Variants in NMNAT2 observed in about 807,000 individuals in gnomAD.
NMNAT2 encodes nicotinamide/nicotinic acid mononucleotide adenylyltransferase 2.
In NMNAT2, 11 loss-of-function variants were observed where a neutral mutation model predicts 41.6. The observed-to-expected ratio is 0.26, with a 90% CI of 0.17 to 0.44. The LOEUF (loss-of-function observed/expected upper bound fraction) is 0.44. Ranked by LOEUF, NMNAT2 falls within the 20% of genes least tolerant of loss-of-function variation. The pLI is 1.00. For missense variants in NMNAT2, 288 were observed against 407.7 expected (o/e 0.71, Z 2.53); for synonymous variants, 148 against 151.2 (o/e 0.98, Z 0.16).
At chr1:183,355,516 C>T (rs958315433) in intron 1 of NMNAT2, among the ~76,000 whole-genome samples, 1 of 152,224 alleles carries the variant, frequency 6.6e-6, no homozygotes, top group African/African-American at 2.4e-5. Context: ...TGTTGCTATT[C>T]CTGTGGCAAA....
At chr1:183,370,691 G>A (rs1321433490) in intron 1 of NMNAT2, among the ~76,000 whole-genome samples, 1 of 152,156 alleles carries the variant, frequency 6.6e-6, no homozygotes, top group Non-Finnish European at 1.5e-5. Context: ...TGATTCTGGG[G>A]GAATGAAATA....
At chr1:183,351,410 T>A (rs184605704) in intron 1 of NMNAT2, among the ~76,000 whole-genome samples, 1 of 151,402 alleles carries the variant, frequency 6.6e-6, no homozygotes, top group African/African-American at 2.4e-5. Flanking sequence ...GGTGACTGAG[T>A]GAGCTCCAGG....
At position 183,385,710 on chromosome 1, in the gene NMNAT2, G is replaced by A. The variant is rs189502970; in HGVS notation, c.85+32473C>T. Among the ~76,000 whole-genome samples the A allele has an allele frequency of 3.0e-4, 46 of 152,026 alleles. No individual in the cohort carries two copies. In the East Asian group the frequency reaches 7.6e-3, roughly 25 times the overall value. ...CCACCCATACATTTAGGCAACAGATGGCAACTATCTGAATGTGTGTACATA... is the reference window on the plus strand; with the variant it reads ...CCACCCATACATTTAGGCAACAGATAGCAACTATCTGAATGTGTGTACATA... On this transcript the variant is annotated intron_variant, in intron 1 of 10. Coordinates refer to ENST00000287713, the MANE Select transcript of NMNAT2 (RefSeq NM_015039.4).
intron 1 of NMNAT2, among the ~76,000 whole-genome samples, chr1:183,351,253 T>A (rs1300888853): frequency 1.3e-5 from 2 of 152,250 alleles, no homozygotes; most frequent in African/African-American, 2.4e-5. Flanking sequence ...TCTGACGAAG[T>A]GCATGGATTC....
intron 1 of NMNAT2, among the ~76,000 whole-genome samples, chr1:183,406,435 C>A (rs1290550138): frequency 1.3e-5 from 2 of 152,042 alleles, no homozygotes; most frequent in Non-Finnish European, 2.9e-5. Context: ...CTCAGGAAGC[C>A]CACTGTCAGC....
chr1:183,378,277 C>T (rs576135951), intron 1 of NMNAT2, among the ~76,000 whole-genome samples: 1 of 151,972 alleles, frequency 6.6e-6, no homozygotes, highest in African/African-American at 2.4e-5. Context: ...GCCTGTAATC[C>T]CAGCTACTCA....
At chr1:183,299,903 T>C (rs1661804098) in intron 1 of NMNAT2, among the ~76,000 whole-genome samples, 1 of 152,222 alleles carries the variant, frequency 6.6e-6, no homozygotes, top group Non-Finnish European at 1.5e-5. Flanking sequence ...CTACTATAGT[T>C]ATAGAAAATA....
rs1421907200 is a variant in NMNAT2 at position 183,253,716 on chromosome 1, A to G, written c.822-973T>C. Among the ~76,000 whole-genome samples the G allele has an allele frequency of 3.3e-5, 5 of 152,084 alleles. No homozygotes were observed. In the East Asian group the frequency reaches 9.6e-4, roughly 29 times the overall value. On this transcript the variant is annotated intron_variant, in intron 10 of 10. Transcript: ENST00000287713. ...TATATCTCCCCACTTTCAGCCCTCC[A>G]CACTTGACCCTGGTAATCATTGTTT...
chr1:183,323,807 C>G lies in NMNAT2; in HGVS notation c.86-30014G>C, dbSNP rs115465749. 6.3e-3 allele frequency among the ~76,000 whole-genome samples: 955 copies of G among 152,278 alleles called. 12 individuals carry two copies. The highest frequency in any genetic ancestry group is 0.021 in the African/African-American group (865 of 41,544). ...AAGGTAGTTGTAAAACCTCTCCCCC[C>G]ACAGGAGACAGGAAAGAATATCTTA... On this transcript the variant is annotated intron_variant, in intron 1 of 10. Transcript: ENST00000287713.
Position 183,249,642 on chromosome 1 carries a change from A to G in NMNAT2, c.*2999T>C. On this transcript the variant is annotated 3_prime_UTR_variant, in exon 11 of 11. Transcript: ENST00000287713. The stretch of plus-strand genomic sequence containing the variant: ...GGTCACAATGTCCTGTCCTGGATTT[A>G]GTTGTGCTGTGACCTTCCCCTAGCA... 6.8e-6 allele frequency: 1 copy of G among 146,644 alleles called. No homozygotes were observed. The highest frequency in any genetic ancestry group is 1.5e-5 in the Non-Finnish European group (1 of 68,028). 9.1% of individuals were successfully genotyped at this position (146,644 alleles called of 1,614,324 possible).
chr1:183,262,490 T>A (rs1353784253), intron 8 of NMNAT2, among the ~76,000 whole-genome samples: 1 of 152,236 alleles, frequency 6.6e-6, no homozygotes, highest in African/African-American at 2.4e-5. Context: ...AGCATTTTCT[T>A]ACATTGTTAA....
intron 8 of NMNAT2, chr1:183,266,470 C>T (rs897778784): frequency 3.3e-5 from 5 of 152,240 alleles, no homozygotes; most frequent in Non-Finnish European, 7.3e-5. Context: ...GCACTTTCAC[C>T]CTTTTGGTTC....
Position 183,350,135 on chromosome 1 carries a change from A to G in NMNAT2, c.86-56342T>C, listed in dbSNP as rs143085792. Among the ~76,000 whole-genome samples the G allele has an allele frequency of 3.9e-4, 59 of 152,330 alleles. 2 individuals carry two copies. The East Asian group carries it at 0.011, about 27-fold the overall frequency. ...CAAGATACACACAATCCCTGCCCTC[A>G]TGGAGCTCATCTTCCAAGGGGATCA... On this transcript the variant is annotated intron_variant, in intron 1 of 10. Transcript: ENST00000287713.
intron 1 of NMNAT2, among the ~76,000 whole-genome samples, chr1:183,381,622 A>G (rs1663805308): frequency 6.6e-6 from 1 of 152,142 alleles, no homozygotes; most frequent in South Asian, 2.1e-4. Flanking sequence ...GTTTGAGCCC[A>G]GGAAGAAGAG....
At chr1:183,288,937 AG>A (rs1661464095) in intron 4 of NMNAT2, among the ~76,000 whole-genome samples, 1 of 152,240 alleles carries the variant, frequency 6.6e-6, no homozygotes, top group South Asian at 2.1e-4. Flanking sequence ...TGAAAGCTGA[AG>A]GGAAGGGAAA....
In NMNAT2 at chr1:183,271,147, T is replaced by C. The variant is rs143048245; in HGVS notation, c.651+7406A>G. Reference sequence around the variant, plus strand: ...GGCTGATGTTCCATCCCCAAGTTTTTACTCTTTTGGGTTAAATATTGACTC... The same window carrying C: ...GGCTGATGTTCCATCCCCAAGTTTTCACTCTTTTGGGTTAAATATTGACTC... On this transcript the variant is annotated intron_variant, in intron 8 of 10. Transcript: ENST00000287713. 1.3e-4 allele frequency among the ~76,000 whole-genome samples: 20 copies of C among 152,340 alleles called. 1 individual carries two copies. The East Asian group carries it at 2.5e-3, about 19-fold the overall frequency.
In NMNAT2 at chr1:183,267,093, T is replaced by C. The variant is rs10911292; in HGVS notation, c.652-5790A>G. 3.4e-3 allele frequency: 566 copies of C among 165,548 alleles called. 5 individuals are homozygous for C. The highest frequency in any genetic ancestry group is 0.016 in the Middle Eastern group (5 of 316). The allele number at this position is 165,548 out of a possible 1,614,324, so 10.3% of individuals were successfully genotyped here. On this transcript the variant is annotated intron_variant, in intron 8 of 10. Coordinates refer to ENST00000287713, the MANE Select transcript of NMNAT2 (RefSeq NM_015039.4). ...GTCAATAAATTGATCCCAGACAGCA[T>C]TGGAAAACAGAAAAGGCTTGCCAAT...
At chr1:183,389,796 GAA>G (rs1187819240) in intron 1 of NMNAT2, among the ~76,000 whole-genome samples, 4 of 64,492 alleles carry the variant, frequency 6.2e-5, no homozygotes, top group Admixed American at 1.9e-4. Flanking sequence ...AAGAAAGAAA[GAA>G]AGAAAGAAAG....
chr1:183,336,747 A>C (rs1662684619), intron 1 of NMNAT2, among the ~76,000 whole-genome samples: 1 of 152,222 alleles, frequency 6.6e-6, no homozygotes, highest in African/African-American at 2.4e-5. Flanking sequence ...CCACAAAAAT[A>C]CTTACACAAG....
Sources: allele counts gnomAD v4.1 joint callset (sites outside exome capture counted in the v4.1 genomes callset), GRCh38; gene constraint gnomAD v4.1.1; transcripts MANE v1.5; gene names NCBI Gene and HGNC (gene_info 2026-07-23, HGNC 2026-07-21).